The following CTNND2 variants were observed in gnomAD, a reference collection of about 807,000 sequenced individuals.
CTNND2 encodes catenin delta 2, also known as catenin delta-2.
In CTNND2, 22 loss-of-function variants were observed where a neutral mutation model predicts 144.4. The observed-to-expected ratio is 0.15, with a 90% CI of 0.11 to 0.22. The LOEUF (loss-of-function observed/expected upper bound fraction) is 0.22, where lower values mean the gene tolerates loss of function less well. Among genes scored for constraint, CTNND2 ranks in the 10% least tolerant of loss-of-function variants. CTNND2 has a pLI of 1.00. For missense variants in CTNND2, 1,353 were observed against 1,618.8 expected (o/e 0.84, Z 2.82); for synonymous variants, 751 against 695.6 (o/e 1.08, Z -1.25).
At chr5:11,039,250 T>C (rs1744415804) in intron 16 of CTNND2, among the ~76,000 whole-genome samples, 1 of 152,238 alleles carries the variant, frequency 6.6e-6, no homozygotes, top group Non-Finnish European at 1.5e-5. Flanking sequence ...GTGAGAAAAC[T>C]GCTGTTTGCC....
intron 16 of CTNND2, among the ~76,000 whole-genome samples, chr5:11,059,144 T>C (rs1746654040): frequency 6.6e-6 from 1 of 152,090 alleles, no homozygotes; most frequent in African/African-American, 2.4e-5. Context: ...GAAGGCATGA[T>C]TGGTTTTGAA....
At chr5:11,515,549 C>A (rs1469794152) in intron 3 of CTNND2, among the ~76,000 whole-genome samples, 2 of 152,128 alleles carry the variant, frequency 1.3e-5, no homozygotes, top group Non-Finnish European at 2.9e-5. Flanking sequence ...TCTATACCAT[C>A]CCATAACATA....
intron 3 of CTNND2, among the ~76,000 whole-genome samples, chr5:11,507,836 A>G (rs988391198): frequency 3.6e-4 from 55 of 152,258 alleles, no homozygotes; most frequent in African/African-American, 1.3e-3. Flanking sequence ...AAGGACAAAA[A>G]TGGAGTGGCA....
At chr5:11,504,950 A>T (rs1581361831) in intron 3 of CTNND2, among the ~76,000 whole-genome samples, 2 of 151,932 alleles carry the variant, frequency 1.3e-5, no homozygotes, top group South Asian at 4.2e-4. Context: ...CAGAGACCCC[A>T]CATGGCCTCC....
At chr5:11,483,159 G>T (rs1279788256) in intron 3 of CTNND2, among the ~76,000 whole-genome samples, 1 of 152,184 alleles carries the variant, frequency 6.6e-6, no homozygotes, top group Non-Finnish European at 1.5e-5. Context: ...TGAATTCTGG[G>T]TAATTTTTGA....
intron 2 of CTNND2, among the ~76,000 whole-genome samples, chr5:11,599,764 T>C (rs568208069): frequency 6.6e-6 from 1 of 152,250 alleles, no homozygotes; most frequent in East Asian, 1.9e-4. Context: ...CCCTTGGGGT[T>C]CTCAGACCAG....
chr5:11,396,375 G>GA lies in CTNND2; in HGVS notation c.612+655dup, dbSNP rs796604427. On this transcript the variant is annotated intron_variant, in intron 6 of 21. Coordinates refer to ENST00000304623, the MANE Select transcript of CTNND2 (RefSeq NM_001332.4). ...AAATAACAACATTTACATCTTTCTT[G>GA]AAAAAAAAAAATTTCCAGATTGGTA... Among the ~76,000 whole-genome samples, 489 of 147,566 alleles carry GA rather than the reference G, an allele frequency of 3.3e-3. 5 individuals are homozygous for GA. The highest frequency in any genetic ancestry group is 7.6e-3 in the African/African-American group (307 of 40,408).
intron 3 of CTNND2, among the ~76,000 whole-genome samples, chr5:11,449,720 T>C (rs61760346): frequency 0.062 from 9,458 of 152,344 alleles, 445 homozygotes; most frequent in Non-Finnish European, 0.095. Context: ...CTTATTTCTA[T>C]ATGAAATTTT....
chr5:11,082,126 G>A (rs904972002), intron 16 of CTNND2, among the ~76,000 whole-genome samples: 6 of 152,150 alleles, frequency 3.9e-5, no homozygotes, highest in African/African-American at 1.4e-4. Context: ...CTTTCTGTCT[G>A]TTTTGCTTAT....
At position 11,020,463 on chromosome 5, in the gene CTNND2, T is replaced by C. The variant is rs186334124; in HGVS notation, c.2999+2306A>G. On this transcript the variant is annotated intron_variant, in intron 17 of 21. Coordinates refer to ENST00000304623, the MANE Select transcript of CTNND2 (RefSeq NM_001332.4). ...TTGTATACCTACCGTTCCCAATTATTAAATTATCCTCAGTTCCAAAAATTT... is the reference window on the plus strand; with the variant it reads ...TTGTATACCTACCGTTCCCAATTATCAAATTATCCTCAGTTCCAAAAATTT... 2.0e-5 allele frequency among the ~76,000 whole-genome samples: 3 copies of C among 152,256 alleles called. No homozygotes were observed. The East Asian group carries it at 5.8e-4, about 29-fold the overall frequency.
intron 19 of CTNND2, among the ~76,000 whole-genome samples, chr5:10,989,636 G>T (rs1218049239): frequency 2.6e-5 from 4 of 152,116 alleles, no homozygotes; most frequent in South Asian, 2.1e-4. Flanking sequence ...GTCCCCCAAG[G>T]CACCTCTCAT....
At chr5:11,303,171 C>T (rs146248079) in intron 9 of CTNND2, among the ~76,000 whole-genome samples, 1 of 152,336 alleles carries the variant, frequency 6.6e-6, no homozygotes, top group East Asian at 1.9e-4. Flanking sequence ...TGGCATTTGG[C>T]AGCTTCTCGA....
intron 12 of CTNND2, among the ~76,000 whole-genome samples, chr5:11,124,466 T>A (rs565761863): frequency 1.3e-5 from 2 of 152,238 alleles, no homozygotes; most frequent in South Asian, 4.1e-4. Flanking sequence ...CACACTTGCT[T>A]TTGCTTCAAA....
chr5:11,278,663 G>A (rs1207195783), intron 9 of CTNND2, among the ~76,000 whole-genome samples: 1 of 152,116 alleles, frequency 6.6e-6, no homozygotes, highest in Non-Finnish European at 1.5e-5. Context: ...AGTAAGCTCA[G>A]GATACACATA....
At chr5:11,777,330 C>T (rs886176633) in intron 1 of CTNND2, among the ~76,000 whole-genome samples, 2 of 152,216 alleles carry the variant, frequency 1.3e-5, no homozygotes, top group African/African-American at 2.4e-5. Flanking sequence ...ATGACTAGAA[C>T]CATCACAGTC....
At chr5:11,189,260 A>T (rs1039523848) in intron 11 of CTNND2, among the ~76,000 whole-genome samples, 1 of 152,234 alleles carries the variant, frequency 6.6e-6, no homozygotes, top group Admixed American at 6.5e-5. Flanking sequence ...CCATATCATA[A>T]GGAAGGCTGG....
chr5:11,802,477 G>T (rs780619915), intron 1 of CTNND2, among the ~76,000 whole-genome samples: 1 of 150,730 alleles, frequency 6.6e-6, no homozygotes, highest in Non-Finnish European at 1.5e-5. Context: ...TGAGGCAGGA[G>T]AATTGCTTGA....
intron 21 of CTNND2, among the ~76,000 whole-genome samples, chr5:10,980,873 A>G (rs1342244398): frequency 6.6e-6 from 1 of 151,952 alleles, no homozygotes; most frequent in Admixed American, 6.6e-5. Context: ...ATAGGGGAAC[A>G]TCACACACTG....
At chr5:11,628,648 C>T (rs1461205848) in intron 2 of CTNND2, among the ~76,000 whole-genome samples, 3 of 152,140 alleles carry the variant, frequency 2.0e-5, no homozygotes, top group Non-Finnish European at 2.9e-5. Context: ...AATTATAAGA[C>T]TCTATGCTAC....
Sources: allele counts gnomAD v4.1 joint callset (sites outside exome capture counted in the v4.1 genomes callset), GRCh38; gene constraint gnomAD v4.1.1; transcripts MANE v1.5; gene names NCBI Gene and HGNC (gene_info 2026-07-23, HGNC 2026-07-21).